Variants in MGLL observed in about 807,000 individuals in gnomAD.
MGLL encodes the protein lysophospholipase homolog.
MGLL carries 7 observed loss-of-function variants against 29.1 expected under a neutral mutation model. The ratio of observed to expected loss-of-function variants is 0.24; its 90% CI spans 0.14 to 0.45. The LOEUF is 0.45. Among genes scored for constraint, MGLL ranks in the 20% least tolerant of loss-of-function variants. MGLL has a pLI of 0.99. For missense variants in MGLL, 356 were observed against 413.6 expected (o/e 0.86, Z 1.21); for synonymous variants, 148 against 168.3 (o/e 0.88, Z 0.93).
intron 3 of MGLL, among the ~76,000 whole-genome samples, chr3:127,725,252 C>T (rs990875358): frequency 6.6e-6 from 1 of 152,174 alleles, no homozygotes; most frequent in African/African-American, 2.4e-5. Flanking sequence ...TCTCATCTGG[C>T]TGTGTTTTCT....
chr3:127,722,331 C>A (rs373111164), intron 4 of MGLL, 99 bp downstream of exon 4: 3 of 1,517,658 alleles, frequency 2.0e-6, no homozygotes, highest in African/African-American at 1.4e-5. Context: ...GCCAGCCAGG[C>A]AGAGAGCAGT....
intron 5 of MGLL, among the ~76,000 whole-genome samples, chr3:127,720,096 G>A (rs1169034150): frequency 1.3e-5 from 2 of 152,160 alleles, no homozygotes; most frequent in Non-Finnish European, 2.9e-5. Context: ...AAGAGAGTGC[G>A]GTGGGGGAAT....
chr3:127,706,038 G>T (rs565537072), intron 6 of MGLL, among the ~76,000 whole-genome samples: 1 of 152,258 alleles, frequency 6.6e-6, no homozygotes, highest in East Asian at 1.9e-4. Context: ...ATGGCAGCAT[G>T]GTTCCTCCAA....
chr3:127,764,845 C>A (rs945122566), intron 3 of MGLL, among the ~76,000 whole-genome samples: 12 of 152,138 alleles, frequency 7.9e-5, no homozygotes, highest in African/African-American at 2.9e-4. Flanking sequence ...CTCTGTGGGT[C>A]AGGCCCCCCA....
chr3:127,780,006 A>G (rs2077095973), intron 3 of MGLL, among the ~76,000 whole-genome samples: 1 of 152,242 alleles, frequency 6.6e-6, no homozygotes, highest in African/African-American at 2.4e-5. Context: ...TCCATGAGTC[A>G]TTCAAAGAGC....
At chr3:127,722,394 G>A (rs1301150057) in intron 4 of MGLL, 36 bp downstream of exon 4, 1 of 1,613,790 alleles carries the variant, frequency 6.2e-7, no homozygotes, top group Non-Finnish European at 8.5e-7. Context: ...TGGAAGCCAG[G>A]GTGGATTTAA....
intron 2 of MGLL, among the ~76,000 whole-genome samples, chr3:127,814,290 A>G (rs1330528128): frequency 6.6e-6 from 1 of 152,164 alleles, no homozygotes; most frequent in Non-Finnish European, 1.5e-5. Flanking sequence ...ACACACAGAG[A>G]ACAATGTCAC....
At chr3:127,709,708 T>C (rs919033651) in intron 6 of MGLL, among the ~76,000 whole-genome samples, 6 of 151,926 alleles carry the variant, frequency 3.9e-5, no homozygotes, top group African/African-American at 1.5e-4. Context: ...GGCAGAAGAG[T>C]GGCAAACTTA....
intron 3 of MGLL, among the ~76,000 whole-genome samples, chr3:127,742,830 C>T (rs376509127): frequency 4.0e-4 from 61 of 152,240 alleles, no homozygotes; most frequent in African/African-American, 1.4e-3. Flanking sequence ...ACCATGTGGC[C>T]GCTTGAGCCA....
At chr3:127,817,216 A>G (rs1260248128) in intron 2 of MGLL, among the ~76,000 whole-genome samples, 1 of 152,214 alleles carries the variant, frequency 6.6e-6, no homozygotes, top group Non-Finnish European at 1.5e-5. Flanking sequence ...ACAAAATGCT[A>G]AACAGAGATT....
intron 3 of MGLL, among the ~76,000 whole-genome samples, chr3:127,775,292 T>C (rs1261850371): frequency 1.3e-5 from 2 of 152,150 alleles, no homozygotes; most frequent in Non-Finnish European, 2.9e-5. Flanking sequence ...TTCTCATATT[T>C]ACTAAGGCAA....
intron 3 of MGLL, chr3:127,735,831 G>C: frequency 6.3e-7 from 1 of 1,598,094 alleles, no homozygotes; most frequent in Non-Finnish European, 8.5e-7. Context: ...TCCTTCCAGG[G>C]GAAGATCCTT....
rs547109361 is a variant in MGLL at position 127,746,725 on chromosome 3, C to G, written c.263-24159G>C. Among the ~76,000 whole-genome samples, 220 of 152,284 alleles carry G rather than the reference C, an allele frequency of 1.4e-3. 1 individual carries two copies. The highest frequency in any genetic ancestry group is 5.0e-3 in the African/African-American group (209 of 41,548). ...AGGCATGCACGCCATCCTTCTTGTCCTCTGCCACTCCCGTAGGGAGCCTCC... is the reference window on the plus strand; with the variant it reads ...AGGCATGCACGCCATCCTTCTTGTCGTCTGCCACTCCCGTAGGGAGCCTCC... On this transcript the variant is annotated intron_variant, in intron 3 of 7. Transcript: ENST00000265052.
At chr3:127,720,461 C>T (rs1304273661) in intron 5 of MGLL, among the ~76,000 whole-genome samples, 1 of 152,236 alleles carries the variant, frequency 6.6e-6, no homozygotes, top group East Asian at 1.9e-4. Flanking sequence ...GAGAAGGTGC[C>T]TGCTCCACCT....
chr3:127,813,145 T>G (rs1330643788), intron 2 of MGLL, among the ~76,000 whole-genome samples: 3 of 152,170 alleles, frequency 2.0e-5, no homozygotes, highest in Admixed American at 2.0e-4. Flanking sequence ...TGTGCAGTTT[T>G]TTTGTGCCCT....
intron 6 of MGLL, among the ~76,000 whole-genome samples, chr3:127,699,133 C>T (rs1053768571): frequency 1.3e-4 from 20 of 152,260 alleles, no homozygotes; most frequent in African/African-American, 4.8e-4. Flanking sequence ...CCCAAAGCCT[C>T]CTCTTGGGTT....
At chr3:127,810,421 C>T (rs1274157900) in intron 2 of MGLL, among the ~76,000 whole-genome samples, 6 of 152,164 alleles carry the variant, frequency 3.9e-5, no homozygotes, top group African/African-American at 1.4e-4. Flanking sequence ...TTGTTATTTT[C>T]AGAGCACACT....
At chr3:127,802,916 T>A (rs569196150) in intron 2 of MGLL, among the ~76,000 whole-genome samples, 1 of 152,162 alleles carries the variant, frequency 6.6e-6, no homozygotes, top group Non-Finnish European at 1.5e-5. Flanking sequence ...GATGCTGGTA[T>A]GACTGACCTC....
At chr3:127,755,031 C>G (rs188522158) in intron 3 of MGLL, among the ~76,000 whole-genome samples, 8 of 152,052 alleles carry the variant, frequency 5.3e-5, no homozygotes, top group Non-Finnish European at 1.2e-4. Context: ...GTTTTCTCGG[C>G]ATTTTTTGGT....
Sources: allele counts gnomAD v4.1 joint callset (sites outside exome capture counted in the v4.1 genomes callset), GRCh38; gene constraint gnomAD v4.1.1; transcripts MANE v1.5; gene names NCBI Gene and HGNC (gene_info 2026-07-23, HGNC 2026-07-21).